ATP5F1C: variants seen among roughly 807,000 people sequenced by gnomAD.
The protein encoded by ATP5F1C is ATP synthase F1 subunit gamma.
In ATP5F1C, 22 loss-of-function variants were observed where a neutral mutation model predicts 37.4. The observed-to-expected ratio is 0.59, with a 90% CI of 0.42 to 0.84. The LOEUF (loss-of-function observed/expected upper bound fraction) is 0.84. ATP5F1C is among the 40% of genes least tolerant of loss of function. The pLI is 0.00. For missense variants in ATP5F1C, 286 were observed against 362.4 expected, an observed-to-expected ratio of 0.79 and a Z score of 1.71; for synonymous variants, 121 against 128.0, an observed-to-expected ratio of 0.95 and a Z score of 0.37.
chr10:7,799,651 CCACCACCCATACCCCAAAA>C, intron 4 of ATP5F1C, 102 bp from the exon 5 acceptor site: 1 of 1,153,042 alleles, frequency 8.7e-7, no homozygotes, highest in Non-Finnish European at 1.2e-6. Flanking sequence ...CAGGAAATCA[CCACCACCCATACCCCAAAA>C]GACCTGATCC....
At chr10:7,800,661 A>AT (rs1237412627) in intron 6 of ATP5F1C, among the ~76,000 whole-genome samples, 1 of 151,210 alleles carries the variant, frequency 6.6e-6, no homozygotes, top group Non-Finnish European at 1.5e-5. Context: ...CGCCTGGCTA[A>AT]TTTTTGTATT....
chr10:7,791,006 A>G (rs1836154190), intron 1 of ATP5F1C, among the ~76,000 whole-genome samples: 1 of 152,186 alleles, frequency 6.6e-6, no homozygotes, highest in Admixed American at 6.5e-5. Flanking sequence ...AAAGAGGAAA[A>G]GAAGATGCAG....
chr10:7,795,365 A>G (rs1204994378), intron 1 of ATP5F1C, among the ~76,000 whole-genome samples: 2 of 152,218 alleles, frequency 1.3e-5, no homozygotes, highest in African/African-American at 4.8e-5. Flanking sequence ...ATTTGAAGGC[A>G]GAAAGATCAT....
At chr10:7,795,829 G>A (rs1214307692) in intron 1 of ATP5F1C, among the ~76,000 whole-genome samples, 1 of 152,164 alleles carries the variant, frequency 6.6e-6, no homozygotes, top group Non-Finnish European at 1.5e-5. Context: ...AACAAGATAA[G>A]CAAAGATATG....
chr10:7,805,297 G>C (rs187646856), intron 8 of ATP5F1C, among the ~76,000 whole-genome samples: 2 of 152,320 alleles, frequency 1.3e-5, no homozygotes, highest in Admixed American at 1.3e-4. Context: ...GTGTGACAAA[G>C]CCTGCGGGAA....
intron 7 of ATP5F1C, 82 bp downstream of exon 7, chr10:7,802,507 G>C: frequency 6.8e-7 from 1 of 1,480,332 alleles, no homozygotes; most frequent in Admixed American, 2.2e-5. Context: ...CCGTGGCCGA[G>C]AGTAGCATCA....
Position 7,796,154 on chromosome 10 carries a change from T to C in ATP5F1C, c.90T>C (p.Asp30=). Residue 30 remains aspartate, a splice_region_variant and synonymous_variant, in exon 2 of 10, where the codon GAT becomes GAC. Coordinates refer to ENST00000356708, the MANE Select transcript of ATP5F1C (RefSeq NM_001001973.3). ...IQVRNMATLK[D]ITRRLKSIKN... ...TTCGAAATATGGCAACTTTGAAAGA[T>C]AGTAAGTATGTTGTTTGTCTCAATA... The C allele has an allele frequency of 1.9e-6, 3 of 1,588,148 alleles. No homozygotes were observed. Among genetic ancestry groups the C allele is most frequent in the Non-Finnish European group, 2.6e-6 (3 of 1,171,934 alleles).
intron 6 of ATP5F1C, chr10:7,801,717 A>C (rs370050839): frequency 6.9e-4 from 106 of 153,354 alleles, no homozygotes; most frequent in Middle Eastern, 6.8e-3. Context: ...GCAATATTTT[A>C]AAGAATTTTC....
intron 4 of ATP5F1C, 199 bp downstream of exon 4, chr10:7,799,393 C>T (rs1836307804): frequency 3.4e-6 from 2 of 583,520 alleles, no homozygotes; most frequent in South Asian, 4.3e-5. Context: ...GTTTTCCTTC[C>T]CCTGTTTTCT....
intron 3 of ATP5F1C, 66 bp from the exon 4 acceptor site, chr10:7,798,924 A>G (rs1267057202): frequency 2.1e-6 from 3 of 1,450,340 alleles, no homozygotes; most frequent in Non-Finnish European, 9.5e-7. Flanking sequence ...CTGCTTTGTA[A>G]ATTAGAGATT....
intron 1 of ATP5F1C, among the ~76,000 whole-genome samples, chr10:7,795,739 A>G (rs1185638754): frequency 6.6e-6 from 1 of 152,212 alleles, no homozygotes; most frequent in African/African-American, 2.4e-5. Context: ...CTGTGAACTA[A>G]GGAAATTTTT....
intron 8 of ATP5F1C, among the ~76,000 whole-genome samples, chr10:7,803,828 C>T (rs1325949831): frequency 2.0e-5 from 3 of 152,160 alleles, no homozygotes; most frequent in African/African-American, 4.8e-5. Context: ...CTTTTTGACT[C>T]GTTCCTTCTT....
chr10:7,797,177 A>G lies in ATP5F1C; in HGVS notation c.222A>G (p.Leu74=), dbSNP rs1385107107. Residue 74 remains leucine (L), a splice_region_variant and synonymous_variant, in exon 3 of 10, where the codon TTA becomes TTG. Transcript: ENST00000356708. ...CTCGAATATATGGATTGGGATCTTTAGGTAAGGGAAGAGTGTAATTCACAA... is the reference window on the plus strand; with the variant it reads ...CTCGAATATATGGATTGGGATCTTTGGGTAAGGGAAGAGTGTAATTCACAA... ...KPARIYGLGS[L]ALYEKADIKG... 2 of 1,613,426 alleles carry G rather than the reference A, an allele frequency of 1.2e-6. No homozygotes were observed. Among genetic ancestry groups the G allele is most frequent in the Admixed American group, 3.3e-5 (2 of 59,914 alleles).
intron 1 of ATP5F1C, among the ~76,000 whole-genome samples, chr10:7,790,742 G>C (rs953709217): frequency 6.6e-6 from 1 of 152,218 alleles, no homozygotes; most frequent in African/African-American, 2.4e-5. Flanking sequence ...AATTCTGATT[G>C]CCACTTAGCA....
At chr10:7,798,162 A>G (rs1434285612) in intron 3 of ATP5F1C, among the ~76,000 whole-genome samples, 2 of 152,108 alleles carry the variant, frequency 1.3e-5, no homozygotes, top group African/African-American at 4.8e-5. Flanking sequence ...CCAAATCCTC[A>G]GTATCTCAAC....
chr10:7,805,975 A>G (rs1185890041), intron 8 of ATP5F1C, among the ~76,000 whole-genome samples: 1 of 151,964 alleles, frequency 6.6e-6, no homozygotes, highest in Admixed American at 6.6e-5. Flanking sequence ...TGTCCTAGCT[A>G]CTCAGGAAAT....
rs745939942 is a variant in ATP5F1C, at chr10:7,796,108, C to T, written c.57-13C>T. ...TCAAAAAACTGAAACATTTTTAAAA[C>T]TTTTATCCTCAGGATTCAAGTTCGA... On this transcript the variant is annotated splice_polypyrimidine_tract_variant and intron_variant, in intron 1 of 9. Coordinates refer to ENST00000356708, the MANE Select transcript of ATP5F1C (RefSeq NM_001001973.3). 1 of 1,585,970 alleles carries T rather than the reference C, an allele frequency of 6.3e-7. No homozygotes were observed. The highest frequency in any genetic ancestry group is 1.2e-5 in the South Asian group (1 of 84,924).
intron 1 of ATP5F1C, 55 bp from the exon 2 acceptor site, chr10:7,796,066 T>C (rs926018089): frequency 2.2e-6 from 3 of 1,386,152 alleles, no homozygotes; most frequent in African/African-American, 1.5e-5. Context: ...GTTTTTCTTG[T>C]ATAATGGAAC....
At chr10:7,789,107 C>G (rs562392934) in intron 1 of ATP5F1C, among the ~76,000 whole-genome samples, 1 of 152,090 alleles carries the variant, frequency 6.6e-6, no homozygotes, top group Admixed American at 6.5e-5. Flanking sequence ...TATTAGAAGG[C>G]CCGGGAATGG....
Sources: gnomAD v4.1 joint callset for allele counts (sites outside exome capture counted in the v4.1 genomes callset) on GRCh38, gnomAD v4.1.1 for gene constraint, MANE v1.5 for transcripts, NCBI Gene and HGNC (gene_info 2026-07-23, HGNC 2026-07-21) for gene names.